RAD51D: variants seen among roughly 807,000 people sequenced by gnomAD.
The protein encoded by RAD51D is DNA repair protein RAD51 homolog 4.
RAD51D carries 38 observed loss-of-function variants against 44.1 expected under a neutral mutation model. That is an observed-to-expected ratio of 0.86 (90% CI 0.67 to 1.13). The LOEUF is 1.13. Ranked by LOEUF, RAD51D falls within the 50% of genes most tolerant of loss-of-function variation. The pLI is 0.00. For missense variants in RAD51D, 390 were observed against 414.0 expected (o/e 0.94, Z 0.50); for synonymous variants, 141 against 166.6 (o/e 0.85, Z 1.18).
At chr17:35,101,499 G>T in intron 8 of RAD51D, 134 bp from the exon 9 acceptor site, 1 of 981,238 alleles carries the variant, frequency 1.0e-6, no homozygotes, top group Non-Finnish European at 1.6e-6. Context: ...AAACCTAATG[G>T]CAGGTCTGGA....
Position 35,095,674 on chromosome 17 carries a change from C to T in RAD51D, c.*5279G>A, listed in dbSNP as rs530349027. 6.6e-6 allele frequency: 1 copy of T among 151,676 alleles called. No individual in the cohort carries two copies. Among genetic ancestry groups the T allele is most frequent in the Non-Finnish European group, 1.5e-5 (1 of 68,012 alleles). The allele number at this position is 151,676 out of a possible 1,614,324, so 9.4% of individuals were successfully genotyped here. The stretch of plus-strand genomic sequence containing the variant: ...GGACATAGTGGCAGGCGCCTGTAGT[C>T]GTAGTCCCAGCTACTCAGGAGGCTG... On this transcript the variant is annotated 3_prime_UTR_variant, in exon 10 of 10. Coordinates refer to ENST00000345365, the MANE Select transcript of RAD51D (RefSeq NM_002878.4).
chr17:35,113,204 T>C (rs1430459057), intron 3 of RAD51D, among the ~76,000 whole-genome samples: 1 of 152,204 alleles, frequency 6.6e-6, no homozygotes, highest in Non-Finnish European at 1.5e-5. Context: ...GTCCTTGAGA[T>C]GGTTCTTGAT....
At chr17:35,113,043 T>G (rs958398236) in intron 3 of RAD51D, among the ~76,000 whole-genome samples, 2 of 152,126 alleles carry the variant, frequency 1.3e-5, no homozygotes. Flanking sequence ...CTAAACCAGG[T>G]TCTCTCCCTC....
intron 3 of RAD51D, among the ~76,000 whole-genome samples, chr17:35,113,272 T>A (rs1456733548): frequency 6.7e-6 from 1 of 149,490 alleles, no homozygotes; most frequent in Admixed American, 6.7e-5. Context: ...ATCCCATCCA[T>A]TTTTTTTTTC....
chr17:35,114,791 TAA>T (rs746438827), intron 3 of RAD51D, among the ~76,000 whole-genome samples: 64 of 152,342 alleles, frequency 4.2e-4, no homozygotes, highest in Middle Eastern at 3.4e-3. Flanking sequence ...TCGTAATGTT[TAA>T]AAGAGTCCTC....
intron 3 of RAD51D, among the ~76,000 whole-genome samples, chr17:35,114,617 G>A (rs193258367): frequency 2.0e-5 from 3 of 152,224 alleles, no homozygotes; most frequent in Non-Finnish European, 4.4e-5. Context: ...CTGAGTCCAG[G>A]AGTTCAAGGC....
chr17:35,116,982 G>A, intron 3 of RAD51D: 1 of 1,613,898 alleles, frequency 6.2e-7, no homozygotes, highest in Non-Finnish European at 8.5e-7. Context: ...TCTCCCTGCG[G>A]GGACCTGAGG....
In RAD51D at chr17:35,100,849, T is replaced by C; in HGVS notation, c.*104A>G. 1.0e-6 allele frequency: 1 copy of C among 956,694 alleles called. No individual in the cohort carries two copies. The highest frequency in any genetic ancestry group is 1.7e-6 in the Non-Finnish European group (1 of 587,638). The allele number at this position is 956,694 out of a possible 1,614,324, so 59.3% of individuals were successfully genotyped here. A position where few individuals can be genotyped will look rare whatever the true frequency, so the allele number is the denominator to read the frequency against. On this transcript the variant is annotated 3_prime_UTR_variant, in exon 10 of 10. Coordinates refer to ENST00000345365, the MANE Select transcript of RAD51D (RefSeq NM_002878.4). ...GTCTCTTCTGGCCAGCCTGAGAACG[T>C]CTGTAGTCACCAGTGCCAGGTGGCA...
chr17:35,111,354 C>CAAA (rs60278898), intron 3 of RAD51D, among the ~76,000 whole-genome samples: 2 of 127,382 alleles, frequency 1.6e-5, no homozygotes, highest in African/African-American at 5.8e-5. Context: ...AACTCCATCT[C>CAAA]AAAAAAAAAA....
intron 3 of RAD51D, among the ~76,000 whole-genome samples, chr17:35,108,842 C>T (rs1010080438): frequency 6.0e-5 from 9 of 150,864 alleles, no homozygotes; most frequent in Non-Finnish European, 5.9e-5. Context: ...CACTGTGTAA[C>T]CTTTGTGATT....
intron 3 of RAD51D, chr17:35,115,347 T>C (rs369820066): frequency 3.3e-4 from 168 of 503,660 alleles, no homozygotes; most frequent in Non-Finnish European, 6.3e-4. Context: ...CTCTGGCCTA[T>C]AAGGAATAAT....
rs1461977867 is a variant in RAD51D at position 35,098,854 on chromosome 17, T to C, written c.*2099A>G. ...AACAGGATGGGCCAGATGATTTTTT[T>C]TTTCCTTGAGACAGGGTCTTGCTCT... On this transcript the variant is annotated 3_prime_UTR_variant, in exon 10 of 10. Transcript: ENST00000345365. 6.6e-6 allele frequency: 1 copy of C among 152,188 alleles called. No individual in the cohort carries two copies. Among genetic ancestry groups the C allele is most frequent in the African/African-American group, 2.4e-5 (1 of 41,402 alleles). The allele number at this position is 152,188 out of a possible 1,614,324, so 9.4% of individuals were successfully genotyped here. A position where few individuals can be genotyped will look rare whatever the true frequency, so the allele number is the denominator to read the frequency against.
intron 3 of RAD51D, among the ~76,000 whole-genome samples, chr17:35,112,712 A>G (rs745478046): frequency 6.6e-5 from 10 of 152,094 alleles, no homozygotes; most frequent in Non-Finnish European, 1.2e-4. Flanking sequence ...TAGTTTTGAC[A>G]TGTTCACTGT....
chr17:35,093,522 C>T lies in RAD51D; in HGVS notation c.*7431G>A, dbSNP rs917949650. On this transcript the variant is annotated 3_prime_UTR_variant, in exon 10 of 10. Transcript: ENST00000345365. Reference sequence around the variant, plus strand: ...GAAGTGCAGCCGTACAGCTCCAGGGCATGAGGACCTGGCAGAGAGAACTCC... The same window carrying T: ...GAAGTGCAGCCGTACAGCTCCAGGGTATGAGGACCTGGCAGAGAGAACTCC... 2 of 152,230 alleles carry T rather than the reference C, an allele frequency of 1.3e-5. No homozygotes were observed. The highest frequency in any genetic ancestry group is 2.9e-5 in the Non-Finnish European group (2 of 68,062). 9.4% of individuals were successfully genotyped at this position (152,230 alleles called of 1,614,324 possible).
chr17:35,103,278 G>A lies in RAD51D; in HGVS notation c.714C>T (p.Ala238=), dbSNP rs780258990. The A allele has an allele frequency of 6.2e-7, 1 of 1,611,350 alleles. No homozygotes were observed. Among genetic ancestry groups the A allele is most frequent in the Non-Finnish European group, 8.5e-7 (1 of 1,179,030 alleles). ...CCACCACTGCCATGCCAAGGTCCCG[G>A]GCCAGGGTCTTCAGCTCTCGGGCCA... ...MQLARELKTL[A]RDLGMAVVVT... Residue 238 remains alanine, a synonymous_variant, in exon 8 of 10, where the codon GCC becomes GCT. Transcript: ENST00000345365. This position sits in a 1 kb window ranked among gnomAD's most constrained non-coding sequence, Gnocchi z 4.1.
chr17:35,113,647 C>A, intron 3 of RAD51D: 1 of 362,218 alleles, frequency 2.8e-6, no homozygotes, highest in Non-Finnish European at 5.5e-6. Flanking sequence ...GGTTACCACT[C>A]TAGCCCTGTG....
chr17:35,118,630 GC>G lies in RAD51D; in HGVS notation c.145-12del. 1 of 1,605,626 alleles carries G rather than the reference GC, an allele frequency of 6.2e-7. No homozygotes were observed. Among genetic ancestry groups the G allele is most frequent in the South Asian group, 1.1e-5 (1 of 90,918 alleles). ...CAGGGCAACCAGGGCCTGCCAAAGG[GC>G]CCCAGACTGCTCAGCAACAAATTGC... On this transcript the variant is annotated splice_polypyrimidine_tract_variant and intron_variant, in intron 2 of 9. Transcript: ENST00000345365.
intron 3 of RAD51D, among the ~76,000 whole-genome samples, chr17:35,111,592 C>A (rs1010329076): frequency 2.0e-5 from 3 of 151,866 alleles, no homozygotes; most frequent in Non-Finnish European, 4.4e-5. Context: ...GTTGTGTATA[C>A]TTGTGGAGGT....
intron 4 of RAD51D, 89 bp downstream of exon 4, chr17:35,107,277 T>G: frequency 6.9e-7 from 1 of 1,452,188 alleles, no homozygotes. Flanking sequence ...TCTGAACCCA[T>G]TAGTACGCTG....
Sources: allele counts gnomAD v4.1 joint callset (sites outside exome capture counted in the v4.1 genomes callset), GRCh38; gene constraint gnomAD v4.1.1; non-coding constraint Gnocchi (gnomAD v3.1); transcripts MANE v1.5; gene names NCBI Gene and HGNC (gene_info 2026-07-23, HGNC 2026-07-21).